The following TACC1 variants were observed in gnomAD, a reference collection of about 807,000 sequenced individuals.
TACC1 encodes the protein transforming acidic coiled-coil-containing protein 1.
TACC1 carries 48 observed loss-of-function variants against 84.4 expected under a neutral mutation model. That is an observed-to-expected ratio of 0.57 (90% CI 0.45 to 0.72). TACC1 has a LOEUF of 0.72. Among genes scored for constraint, TACC1 ranks in the 30% least tolerant of loss-of-function variants. The pLI is 0.00. For synonymous variants in TACC1, 372 were observed against 376.3 expected (o/e 0.99, Z 0.13); for missense variants, 920 against 973.0 (o/e 0.95, Z 0.72).
chr8:38,768,096 GAA>G (rs1328900400), intron 3 of TACC1, among the ~76,000 whole-genome samples: 2 of 142,528 alleles, frequency 1.4e-5, no homozygotes, highest in African/African-American at 5.9e-5. Flanking sequence ...AGGAAGGAAG[GAA>G]GGAAGGAAGG....
intron 2 of TACC1, among the ~76,000 whole-genome samples, chr8:38,804,222 T>C (rs1196280237): frequency 1.3e-5 from 2 of 152,246 alleles, no homozygotes; most frequent in Non-Finnish European, 2.9e-5. Flanking sequence ...ACAGTTGTTC[T>C]AGAACAAATT....
chr8:38,743,884 TAAAAC>T (rs1807559514), intron 2 of TACC1: 1 of 152,090 alleles, frequency 6.6e-6, no homozygotes, highest in Admixed American at 6.5e-5. Context: ...GATACCCTGT[TAAAAC>T]AAAACAGAAC....
chr8:38,761,547 A>G (rs1811211914), intron 3 of TACC1, among the ~76,000 whole-genome samples: 1 of 152,270 alleles, frequency 6.6e-6, no homozygotes, highest in Non-Finnish European at 1.5e-5. Context: ...TAATGAGCAC[A>G]TCACTGTGGG....
chr8:38,738,410 C>T (rs1202083126), intron 1 of TACC1, among the ~76,000 whole-genome samples: 1 of 152,174 alleles, frequency 6.6e-6, no homozygotes, highest in Non-Finnish European at 1.5e-5. Context: ...TGCCTGGCTA[C>T]ATAAATTATT....
chr8:38,757,524 G>T, intron 3 of TACC1: 2 of 1,091,438 alleles, frequency 1.8e-6, no homozygotes, highest in Non-Finnish European at 2.3e-6. Flanking sequence ...CCCGCTGGCG[G>T]CAGCGGGGCA....
chr8:38,830,728 G>A (rs947184736), intron 5 of TACC1, among the ~76,000 whole-genome samples: 2 of 152,290 alleles, frequency 1.3e-5, no homozygotes, highest in African/African-American at 4.8e-5. Flanking sequence ...TTAGATCAAG[G>A]CCACCCTTCT....
At chr8:38,778,455 A>G (rs999983940) in intron 3 of TACC1, among the ~76,000 whole-genome samples, 1 of 152,204 alleles carries the variant, frequency 6.6e-6, no homozygotes. Flanking sequence ...CCCTCGCTCC[A>G]TAAATGGACA....
At chr8:38,806,246 C>T (rs535870874) in intron 2 of TACC1, among the ~76,000 whole-genome samples, 32 of 152,278 alleles carry the variant, frequency 2.1e-4, no homozygotes, top group South Asian at 4.2e-4. Flanking sequence ...CCATGCCTGC[C>T]TGCTCTCAGT....
chr8:38,756,398 G>T (rs1490060017), intron 3 of TACC1, among the ~76,000 whole-genome samples: 2 of 152,124 alleles, frequency 1.3e-5, no homozygotes, highest in Admixed American at 6.5e-5. Context: ...TTTGGAGAAG[G>T]ATTCCAGTCT....
At chr8:38,814,918 A>G (rs1201076903) in intron 2 of TACC1, among the ~76,000 whole-genome samples, 3 of 152,260 alleles carry the variant, frequency 2.0e-5, no homozygotes, top group Admixed American at 2.0e-4. Context: ...TACACATGTA[A>G]TACCAATATT....
intron 3 of TACC1, among the ~76,000 whole-genome samples, chr8:38,746,877 G>A (rs139717506): frequency 9.0e-4 from 137 of 151,886 alleles, no homozygotes; most frequent in African/African-American, 3.0e-3. Context: ...TTTTAAAGGC[G>A]GGAAATAAGA....
chr8:38,742,413 A>T, exon 2 of TACC1: 1 of 1,528,124 alleles, frequency 6.5e-7, no homozygotes, highest in South Asian at 1.2e-5. Context: ...TTACTCTTCC[A>T]AGTACACTGA....
chr8:38,801,497 T>G (rs1821353796), intron 2 of TACC1, among the ~76,000 whole-genome samples: 1 of 152,224 alleles, frequency 6.6e-6, no homozygotes, highest in African/African-American at 2.4e-5. Context: ...CAATTAACTT[T>G]GCACCCTTGT....
intron 10 of TACC1, 63 bp downstream of exon 10, chr8:38,842,510 G>C: frequency 6.7e-7 from 1 of 1,500,786 alleles, no homozygotes; most frequent in Non-Finnish European, 9.0e-7. Flanking sequence ...TTGGTAACTG[G>C]TCATCAAATA....
At chr8:38,838,408 G>C in intron 7 of TACC1, 62 bp from the exon 8 acceptor site, 4 of 1,216,910 alleles carry the variant, frequency 3.3e-6, no homozygotes, top group South Asian at 1.2e-5. Context: ...TGCTATTTCA[G>C]TTCCCAGTCT....
chr8:38,802,560 G>T (rs1821649352), intron 2 of TACC1, among the ~76,000 whole-genome samples: 2 of 152,140 alleles, frequency 1.3e-5, no homozygotes, highest in Admixed American at 1.3e-4. Context: ...CCGGTCCCTG[G>T]TGCCAAAAAG....
At chr8:38,842,504 T>C (rs1318994915) in intron 10 of TACC1, 57 bp downstream of exon 10, 49 of 1,518,202 alleles carry the variant, frequency 3.2e-5, no homozygotes, top group Non-Finnish European at 8.9e-7. Flanking sequence ...ATTTCCTTGG[T>C]AACTGGTCAT....
rs919162395 is a variant in TACC1, at chr8:38,848,960, T to C, written c.*937T>C. 1.4e-5 allele frequency: 2 copies of C among 139,554 alleles called. No individual in the cohort carries two copies. The highest frequency in any genetic ancestry group is 3.2e-5 in the Non-Finnish European group (2 of 62,132). 8.6% of individuals were successfully genotyped at this position (139,554 alleles called of 1,614,324 possible). On this transcript the variant is annotated 3_prime_UTR_variant, in exon 13 of 13. Transcript: ENST00000317827. ...CAGAATCAACATTTAGTCTTCATTATCTTTTTTTTTTTTTTTGAGACAGAG... is the reference window on the plus strand; with the variant it reads ...CAGAATCAACATTTAGTCTTCATTACCTTTTTTTTTTTTTTTGAGACAGAG...
At chr8:38,833,888 T>C (rs1458543101) in intron 6 of TACC1, among the ~76,000 whole-genome samples, 1 of 152,196 alleles carries the variant, frequency 6.6e-6, no homozygotes, top group Non-Finnish European at 1.5e-5. Flanking sequence ...GTTGTTAATT[T>C]AGAATCAGAA....
Sources: gnomAD v4.1 joint callset for allele counts (sites outside exome capture counted in the v4.1 genomes callset) on GRCh38, gnomAD v4.1.1 for gene constraint, MANE v1.5 for transcripts, NCBI Gene and HGNC (gene_info 2026-07-23, HGNC 2026-07-21) for gene names.